Variants in NEBL observed in about 807,000 individuals in gnomAD.
NEBL encodes the protein nebulette.
Under a neutral mutation model 140.2 loss-of-function variants are expected in NEBL, and 122 were observed. The observed-to-expected ratio is 0.87, with a 90% CI of 0.75 to 1.01. The LOEUF (loss-of-function observed/expected upper bound fraction) is 1.01, where lower values mean the gene tolerates loss of function less well. NEBL is among the 50% of genes least tolerant of loss of function. NEBL has a pLI of 0.00. For missense variants in NEBL, 1,365 were observed against 1,231.3 expected, an observed-to-expected ratio of 1.11 and a Z score of -1.62; for synonymous variants, 436 against 398.9, an observed-to-expected ratio of 1.09 and a Z score of -1.11.
chr10:20,803,808 G>GA (rs148789208), intron 26 of NEBL, among the ~76,000 whole-genome samples: 2,109 of 136,278 alleles, frequency 0.015, 40 homozygotes, highest in African/African-American at 0.045. Flanking sequence ...CCTTCTGTAC[G>GA]AAAAATATAT....
chr10:20,842,901 T>C (rs1468491729), intron 12 of NEBL, among the ~76,000 whole-genome samples: 1 of 152,094 alleles, frequency 6.6e-6, no homozygotes, highest in African/African-American at 2.4e-5. Context: ...ACCACCATTC[T>C]ACTTTCTGCT....
chr10:20,923,497 T>G (rs1177023782), intron 4 of NEBL, among the ~76,000 whole-genome samples: 1 of 151,066 alleles, frequency 6.6e-6, no homozygotes, highest in African/African-American at 2.4e-5. Flanking sequence ...ACTAACACAG[T>G]GAAATCCCAT....
Position 21,093,521 on chromosome 10 carries a change from G to C in NEBL, c.165-73320C>G, listed in dbSNP as rs192055120. Among the ~76,000 whole-genome samples, 390 of 152,300 alleles carry C rather than the reference G, an allele frequency of 2.6e-3. 9 individuals are homozygous for C. Among genetic ancestry groups the C allele is most frequent in the Admixed American group, 0.025 (387 of 15,300 alleles). ...AGTGTTCATAAGCTGCTAAGCTTGT[G>C]TAAACTGAATGCCATCTCCAAATTT... On this transcript the variant is annotated intron_variant, in intron 2 of 6. Coordinates refer to the NEBL transcript ENST00000417816.
chr10:21,099,986 A>G (rs1227641614), intron 2 of NEBL, among the ~76,000 whole-genome samples: 1 of 152,186 alleles, frequency 6.6e-6, no homozygotes, highest in East Asian at 1.9e-4. Flanking sequence ...TAAAATAAAA[A>G]CAAGAAGTCC....
Position 20,784,873 on chromosome 10 carries a change from A to T in NEBL, c.*874T>A, listed in dbSNP as rs994640166. Reference sequence around the variant, plus strand: ...AGTATGTTTTTCTGATGAGCTGGCGACTAGAGGAAGAAAGGGCTTTTAGGT... The same window carrying T: ...AGTATGTTTTTCTGATGAGCTGGCGTCTAGAGGAAGAAAGGGCTTTTAGGT... On this transcript the variant is annotated 3_prime_UTR_variant, in exon 28 of 28. Transcript: ENST00000377122. The T allele has an allele frequency of 3.9e-5, 6 of 152,428 alleles. No homozygotes were observed. The highest frequency in any genetic ancestry group is 2.0e-4 in the Admixed American group (3 of 15,282). The allele number at this position is 152,428 out of a possible 1,614,324, so 9.4% of individuals were successfully genotyped here.
intron 4 of NEBL, among the ~76,000 whole-genome samples, chr10:20,946,991 T>A (rs1035571476): frequency 6.6e-6 from 1 of 152,126 alleles, no homozygotes; most frequent in East Asian, 1.9e-4. Flanking sequence ...AAGAATTTGG[T>A]AGTGAGACAT....
At chr10:20,793,949 T>C (rs569545675) in intron 26 of NEBL, among the ~76,000 whole-genome samples, 1 of 152,346 alleles carries the variant, frequency 6.6e-6, no homozygotes, top group South Asian at 2.1e-4. Flanking sequence ...TAGGGGTATA[T>C]GTGGCTCTAT....
At chr10:20,806,391 T>C (rs1837621284) in intron 26 of NEBL, among the ~76,000 whole-genome samples, 1 of 152,242 alleles carries the variant, frequency 6.6e-6, no homozygotes, top group Non-Finnish European at 1.5e-5. Flanking sequence ...TGCTTCCATT[T>C]GAACATCTCA....
At chr10:21,136,849 A>G (rs1839378615) in intron 2 of NEBL, among the ~76,000 whole-genome samples, 1 of 152,234 alleles carries the variant, frequency 6.6e-6, no homozygotes, top group Non-Finnish European at 1.5e-5. Flanking sequence ...AATGACTGAC[A>G]TAACTTCTTA....
At chr10:21,097,162 T>C (rs1261645353) in intron 2 of NEBL, among the ~76,000 whole-genome samples, 2 of 137,228 alleles carry the variant, frequency 1.5e-5, no homozygotes, top group Admixed American at 1.7e-4. Flanking sequence ...TAAAATGAGC[T>C]CAATATCCGG....
chr10:21,003,695 A>T (rs1468576720), intron 3 of NEBL, among the ~76,000 whole-genome samples: 1 of 152,176 alleles, frequency 6.6e-6, no homozygotes, highest in African/African-American at 2.4e-5. Context: ...CTCAGGCAGG[A>T]TCTTTCTAAT....
At chr10:21,242,543 C>G (rs919917272) in intron 3 of NEBL, among the ~76,000 whole-genome samples, 5 of 152,136 alleles carry the variant, frequency 3.3e-5, no homozygotes, top group African/African-American at 1.2e-4. Context: ...AATCCGTACA[C>G]CAAACCCCCA....
chr10:20,881,056 A>G, intron 4 of NEBL, 152 bp from the exon 5 acceptor site: 1 of 692,422 alleles, frequency 1.4e-6, no homozygotes, highest in Non-Finnish European at 2.6e-6. Flanking sequence ...TCCACAATGC[A>G]TTCATCTTTA....
At chr10:20,978,097 A>C (rs570113083) in intron 3 of NEBL, among the ~76,000 whole-genome samples, 1 of 152,320 alleles carries the variant, frequency 6.6e-6, no homozygotes, top group African/African-American at 2.4e-5. Flanking sequence ...ACTGCAGAAG[A>C]AAATAAGGAA....
chr10:21,099,987 CAAG>C, intron 2 of NEBL, among the ~76,000 whole-genome samples: 1 of 152,204 alleles, frequency 6.6e-6, no homozygotes, highest in East Asian at 1.9e-4. Context: ...AAAATAAAAA[CAAG>C]AAGTCCTCCT....
At chr10:21,005,836 T>C (rs1589129713) in intron 3 of NEBL, among the ~76,000 whole-genome samples, 1 of 132,828 alleles carries the variant, frequency 7.5e-6, no homozygotes, top group Admixed American at 7.2e-5. Flanking sequence ...ATACTAACAC[T>C]TTTTTTTTTT....
chr10:21,290,804 C>T (rs188155519), intron 1 of NEBL, among the ~76,000 whole-genome samples: 14 of 152,332 alleles, frequency 9.2e-5, no homozygotes, highest in Non-Finnish European at 1.9e-4. Flanking sequence ...TACCTACACC[C>T]CCCATTTCCC....
At chr10:20,801,117 C>T (rs771957108) in intron 26 of NEBL, among the ~76,000 whole-genome samples, 1 of 152,216 alleles carries the variant, frequency 6.6e-6, no homozygotes, top group Non-Finnish European at 1.5e-5. Flanking sequence ...GCTATGCTCT[C>T]TCTCGTCTAC....
intron 26 of NEBL, among the ~76,000 whole-genome samples, chr10:20,798,090 C>T (rs1380658625): frequency 5.0e-5 from 7 of 140,344 alleles, no homozygotes; most frequent in Admixed American, 3.7e-4. Flanking sequence ...GATGACAGAG[C>T]AAGACCCTGT....
Sources: allele counts gnomAD v4.1 joint callset (sites outside exome capture counted in the v4.1 genomes callset), GRCh38; gene constraint gnomAD v4.1.1; transcripts MANE v1.5; gene names NCBI Gene and HGNC (gene_info 2026-07-23, HGNC 2026-07-21).